Variants in TIPARP observed in about 807,000 individuals in gnomAD.
TIPARP encodes protein mono-ADP-ribosyltransferase TIPARP.
A neutral mutation model predicts 56.5 loss-of-function variants in TIPARP; 12 were observed. The observed-to-expected ratio is 0.21, with a 90% CI of 0.14 to 0.34. The LOEUF (loss-of-function observed/expected upper bound fraction) is 0.34. Ranked by LOEUF, TIPARP falls within the 10% of genes least tolerant of loss-of-function variation. The pLI is 1.00. For missense variants in TIPARP, 604 were observed against 781.6 expected (o/e 0.77, Z 2.71); for synonymous variants, 296 against 265.7 (o/e 1.11, Z -1.11).
chr3:156,679,330 C>G (rs1236533911), intron 2 of TIPARP, among the ~76,000 whole-genome samples: 1 of 152,096 alleles, frequency 6.6e-6, no homozygotes, highest in Non-Finnish European at 1.5e-5. Flanking sequence ...ACACATAACT[C>G]AGTTCTTTTA....
intron 2 of TIPARP, among the ~76,000 whole-genome samples, chr3:156,691,529 G>A (rs959435188): frequency 2.0e-5 from 3 of 152,076 alleles, no homozygotes; most frequent in African/African-American, 2.4e-5. Flanking sequence ...CCACCATCAC[G>A]ATTATCATAC....
At chr3:156,691,649 C>A (rs570132849) in intron 2 of TIPARP, among the ~76,000 whole-genome samples, 2 of 152,208 alleles carry the variant, frequency 1.3e-5, no homozygotes, top group African/African-American at 4.8e-5. Context: ...TATGCTGATG[C>A]AGATTGTGGA....
chr3:156,681,104 C>A (rs571587938), intron 2 of TIPARP: 1 of 455,710 alleles, frequency 2.2e-6, no homozygotes, highest in Admixed American at 2.4e-5. Flanking sequence ...TATTCCAAAG[C>A]GATGTTGTGT....
At chr3:156,693,390 A>G (rs1379768536) in intron 2 of TIPARP, among the ~76,000 whole-genome samples, 1 of 152,210 alleles carries the variant, frequency 6.6e-6, no homozygotes, top group African/African-American at 2.4e-5. Flanking sequence ...CCAGATAATA[A>G]GATGACCAAA....
At chr3:156,699,233 G>C (rs1377599150) in intron 4 of TIPARP, among the ~76,000 whole-genome samples, 1 of 152,228 alleles carries the variant, frequency 6.6e-6, no homozygotes, top group African/African-American at 2.4e-5. Context: ...GCAACAGCAA[G>C]GTTTGGGAGG....
chr3:156,688,703 T>A (rs1200014392), intron 2 of TIPARP, among the ~76,000 whole-genome samples: 1 of 152,196 alleles, frequency 6.6e-6, no homozygotes, highest in East Asian at 1.9e-4. Flanking sequence ...TGAAGGGATA[T>A]AAGCTGCCAG....
intron 2 of TIPARP, among the ~76,000 whole-genome samples, chr3:156,691,306 A>T (rs1722568095): frequency 6.6e-6 from 1 of 152,144 alleles, no homozygotes; most frequent in South Asian, 2.1e-4. Context: ...CCTGACCTTT[A>T]TCCATTACTG....
intron 2 of TIPARP, among the ~76,000 whole-genome samples, chr3:156,692,111 C>T (rs968533684): frequency 4.6e-5 from 7 of 152,084 alleles, no homozygotes; most frequent in African/African-American, 1.7e-4. Context: ...CTAAGAACTC[C>T]TTAAAGGAAA....
At chr3:156,697,033 C>CAGT (rs1722732222) in intron 4 of TIPARP, among the ~76,000 whole-genome samples, 1 of 152,130 alleles carries the variant, frequency 6.6e-6, no homozygotes, top group African/African-American at 2.4e-5. Flanking sequence ...CTGAAATGAT[C>CAGT]AGTATCCAAA....
chr3:156,698,697 C>T (rs1722777908), intron 4 of TIPARP, among the ~76,000 whole-genome samples: 1 of 152,190 alleles, frequency 6.6e-6, no homozygotes, highest in Non-Finnish European at 1.5e-5. Flanking sequence ...TGTTTTCATG[C>T]CTGCTATACA....
intron 1 of TIPARP, chr3:156,675,042 G>C (rs909897706): frequency 1.3e-5 from 2 of 152,258 alleles, no homozygotes. Context: ...ACATCAGACC[G>C]AGGCGCCGAA....
chr3:156,704,984 C>T lies in TIPARP; in HGVS notation c.1827C>T (p.Val609=), dbSNP rs1483240536. 1.2e-6 allele frequency: 2 copies of T among 1,614,120 alleles called. No individual in the cohort carries two copies. The highest frequency in any genetic ancestry group is 8.5e-7 in the Non-Finnish European group (1 of 1,180,050). ...ATGGCATGAGAAGGCCCCCGCCAGT[C>T]AATCCTGGCAGTGTCACCAGTGACC... is the stretch of plus-strand genomic sequence containing the variant. ...GSHGMRRPPP[V]NPGSVTSDLY... is the part of the protein sequence containing the mutation. The change falls in exon 6 of 6, where the codon GTC becomes GTT. Residue 609 remains valine, a synonymous_variant. Coordinates refer to ENST00000295924, the MANE Select transcript of TIPARP (RefSeq NM_015508.5).
chr3:156,685,775 C>T (rs957659841), intron 2 of TIPARP, among the ~76,000 whole-genome samples: 1 of 152,216 alleles, frequency 6.6e-6, no homozygotes, highest in African/African-American at 2.4e-5. Context: ...TCTAAATTTT[C>T]ACTAGCACTT....
intron 1 of TIPARP, among the ~76,000 whole-genome samples, chr3:156,677,151 C>T (rs1722150510): frequency 1.3e-5 from 2 of 152,176 alleles, no homozygotes; most frequent in Non-Finnish European, 2.9e-5. Context: ...TGTTCTTATA[C>T]CCTTAAATTG....
chr3:156,703,749 C>T, intron 5 of TIPARP, 47 bp downstream of exon 5: 1 of 1,557,290 alleles, frequency 6.4e-7, no homozygotes, highest in Non-Finnish European at 8.6e-7. Context: ...CGCAGTGGCT[C>T]AAGCCTGTAA....
At chr3:156,704,112 A>G (rs1722920732) in intron 5 of TIPARP, among the ~76,000 whole-genome samples, 1 of 152,206 alleles carries the variant, frequency 6.6e-6, no homozygotes, top group Non-Finnish European at 1.5e-5. Flanking sequence ...ATTTATGTTC[A>G]TATTTTCTGT....
intron 2 of TIPARP, among the ~76,000 whole-genome samples, chr3:156,691,001 G>A (rs999798459): frequency 5.3e-5 from 8 of 152,016 alleles, no homozygotes; most frequent in Non-Finnish European, 7.4e-5. Context: ...GGACTTAAAC[G>A]TCCACAGTTT....
At chr3:156,701,741 T>C (rs1722848293) in intron 4 of TIPARP, among the ~76,000 whole-genome samples, 1 of 152,056 alleles carries the variant, frequency 6.6e-6, no homozygotes, top group Non-Finnish European at 1.5e-5. Context: ...TCTGAGAAAA[T>C]GCTACAGAGG....
Position 156,694,163 on chromosome 3 carries a change from A to G in TIPARP, c.1061A>G (p.His354Arg). 2 of 1,606,068 alleles carry G rather than the reference A, an allele frequency of 1.2e-6. No individual in the cohort carries two copies. Among genetic ancestry groups the G allele is most frequent in the South Asian group, 1.1e-5 (1 of 88,686 alleles). ...GTCTGGAAATTCTTCTGTAGGGACC[A>G]CTTTGGATGGAGAGAGTATCCCGAG... ...HTVWKFFCRD[H>R]FGWREYPESV... The change falls in exon 3 of 6, where the codon CAC becomes CGC. Residue 354 changes from histidine (H) to arginine (R), a missense_variant. Physicochemically the swap from His to Arg is conservative, Grantham distance 29. Coordinates refer to ENST00000295924, the MANE Select transcript of TIPARP (RefSeq NM_015508.5).
Sources: allele counts gnomAD v4.1 joint callset (sites outside exome capture counted in the v4.1 genomes callset), GRCh38; gene constraint gnomAD v4.1.1; transcripts MANE v1.5; gene names NCBI Gene and HGNC (gene_info 2026-07-23, HGNC 2026-07-21).